The following UACA variants were observed in gnomAD, a reference collection of about 807,000 sequenced individuals.
UACA encodes the protein nuclear membrane binding protein.
UACA carries 112 observed loss-of-function variants against 160.5 expected under a neutral mutation model. The observed-to-expected ratio is 0.70, with a 90% CI of 0.60 to 0.82. The LOEUF (loss-of-function observed/expected upper bound fraction) is 0.82. Ranked by LOEUF, UACA falls within the 40% of genes least tolerant of loss-of-function variation. UACA has a pLI of 0.00. For synonymous variants in UACA, 557 were observed against 568.4 expected, an observed-to-expected ratio of 0.98 and a Z score of 0.29; for missense variants, 1,574 against 1,614.6, an observed-to-expected ratio of 0.97 and a Z score of 0.43.
chr15:70,680,727 G>A (rs928797515), intron 9 of UACA, among the ~76,000 whole-genome samples: 9 of 151,988 alleles, frequency 5.9e-5, no homozygotes, highest in Non-Finnish European at 7.4e-5. Context: ...TAAATCAACC[G>A]CATCCTTTAA....
chr15:70,776,380 C>G, the UACA span, among the ~76,000 whole-genome samples: 1 of 151,236 alleles, frequency 6.6e-6, no homozygotes, highest in Non-Finnish European at 1.5e-5. Flanking sequence ...TCCTGTTTTC[C>G]TCGGATATAT....
intron 2 of UACA, 116 bp downstream of exon 2, chr15:70,699,411 G>A (rs1030118353): frequency 6.6e-6 from 8 of 1,209,692 alleles, no homozygotes; most frequent in African/African-American, 1.5e-5. Flanking sequence ...TTATAGTGCA[G>A]GTTTTGGCAG....
intron 1 of UACA, among the ~76,000 whole-genome samples, chr15:70,725,519 C>G (rs558879971): frequency 3.0e-4 from 45 of 152,218 alleles, no homozygotes; most frequent in African/African-American, 1.1e-3. Context: ...AGGAAGTAGC[C>G]AATACTTTAG....
chr15:70,669,107 T>G lies in UACA; in HGVS notation c.1577A>C (p.His526Pro). 1 of 1,614,138 alleles carries G rather than the reference T, an allele frequency of 6.2e-7. No individual in the cohort carries two copies. The highest frequency in any genetic ancestry group is 8.5e-7 in the Non-Finnish European group (1 of 1,179,998). Residue 526 changes from histidine to proline, a missense_variant, in exon 16 of 19, where the codon CAC becomes CCC. Physicochemically the swap from His to Pro is moderately conservative, Grantham distance 77. Coordinates refer to ENST00000322954, the MANE Select transcript of UACA (RefSeq NM_018003.4). ...MQTHFLALKE[H>P]LTSEAASGNH... ...CCCTGAGGCTGCTTCACTTGTTAAG[T>G]GTTCTTTAAGGGCAAGAAAATGGGT...
At chr15:70,713,125 A>G (rs1046349566) in intron 1 of UACA, among the ~76,000 whole-genome samples, 8 of 152,194 alleles carry the variant, frequency 5.3e-5, no homozygotes, top group Non-Finnish European at 1.0e-4. Flanking sequence ...CGGGCGGATC[A>G]TGAGGTCAGG....
At position 70,668,072 on chromosome 15, in the gene UACA, G is replaced by A. The variant is rs1236554388; in HGVS notation, c.2612C>T (p.Thr871Ile). 1.2e-6 allele frequency: 2 copies of A among 1,613,210 alleles called. No individual in the cohort carries two copies. Among genetic ancestry groups the A allele is most frequent in the South Asian group, 1.1e-5 (1 of 90,956 alleles). Reference sequence around the variant, plus strand: ...AGTTTTGGCTAACGTGTCATTCAGTGTCATTTTAACCTCTTCATGGGTTTT... The same window carrying A: ...AGTTTTGGCTAACGTGTCATTCAGTATCATTTTAACCTCTTCATGGGTTTT... ...PVKTHEEVKM[T>I]LNDTLAKTNR... is the part of the protein sequence containing the mutation. The change falls in exon 16 of 19, where the codon ACA (threonine) becomes ATA (isoleucine). Residue 871 changes from threonine (T) to isoleucine (I), a missense_variant. Coordinates refer to ENST00000322954, the MANE Select transcript of UACA (RefSeq NM_018003.4).
At chr15:70,678,869 T>C (rs1234818602) in intron 10 of UACA, among the ~76,000 whole-genome samples, 1 of 152,100 alleles carries the variant, frequency 6.6e-6, no homozygotes, top group East Asian at 1.9e-4. Flanking sequence ...GAAAATACTT[T>C]AAGAAAAAAA....
At chr15:70,658,074 C>A (rs1896548161) in intron 18 of UACA, among the ~76,000 whole-genome samples, 1 of 151,966 alleles carries the variant, frequency 6.6e-6, no homozygotes, top group Non-Finnish European at 1.5e-5. Context: ...GATGGCAGAG[C>A]AAGAATCTGT....
intron 1 of UACA, among the ~76,000 whole-genome samples, chr15:70,714,511 AT>A (rs142310623): frequency 0.011 from 1,628 of 152,294 alleles, 25 homozygotes; most frequent in African/African-American, 0.038. Context: ...GAAAGGGAAA[AT>A]TATATCCTAT....
At chr15:70,691,496 C>G (rs560603828) in intron 3 of UACA, 133 bp from the exon 4 acceptor site, 1 of 595,172 alleles carries the variant, frequency 1.7e-6, no homozygotes, top group Admixed American at 3.2e-5. Flanking sequence ...CTTTCAGTTT[C>G]CAAAGATGTT....
chr15:70,685,160 G>A (rs1232609797), intron 7 of UACA, among the ~76,000 whole-genome samples: 1 of 152,088 alleles, frequency 6.6e-6, no homozygotes, highest in African/African-American at 2.4e-5. Context: ...CTAACGCCAT[G>A]CAACATGGAT....
intron 1 of UACA, among the ~76,000 whole-genome samples, chr15:70,725,445 T>C (rs77869666): frequency 0.048 from 7,344 of 152,204 alleles, 631 homozygotes; most frequent in African/African-American, 0.17. Context: ...CACTACTCAG[T>C]AATATAAGAA....
intron 16 of UACA, 104 bp downstream of exon 16, chr15:70,666,620 G>T: frequency 1.1e-6 from 1 of 921,904 alleles, no homozygotes; most frequent in Non-Finnish European, 1.5e-6. Flanking sequence ...ACTGGAAAGG[G>T]TCACTTTGTT....
At chr15:70,730,114 C>A (rs1330392861) in intron 1 of UACA, among the ~76,000 whole-genome samples, 4 of 11,026 alleles carry the variant, frequency 3.6e-4, no homozygotes, top group Admixed American at 2.9e-3. Flanking sequence ...CGCAGTTCCT[C>A]ACCAGCAACA....
In UACA at chr15:70,668,380, A is replaced by C. The variant is rs780402434; in HGVS notation, c.2304T>G (p.Leu768=). 8.1e-6 allele frequency: 13 copies of C among 1,607,686 alleles called. No individual in the cohort carries two copies. In the South Asian group the frequency reaches 1.3e-4, roughly 17 times the overall value. Reference sequence around the variant, plus strand: ...CTGTATATTTTTGTGTTACATCTAAAAGCTTTCTATTAAGATCATCAATAA... The same window carrying C: ...CTGTATATTTTTGTGTTACATCTAACAGCTTTCTATTAAGATCATCAATAA... ...DAIIDDLNRK[L]LDVTQKYTEK... Residue 768 remains leucine (L), a synonymous_variant, in exon 16 of 19, where the codon CTT becomes CTG. Transcript: ENST00000322954.
intron 1 of UACA, among the ~76,000 whole-genome samples, chr15:70,700,502 A>G (rs1448939384): frequency 6.6e-6 from 1 of 151,796 alleles, no homozygotes; most frequent in East Asian, 1.9e-4. Context: ...TACATTCCAC[A>G]TGTATTGTTT....
intron 18 of UACA, among the ~76,000 whole-genome samples, chr15:70,658,815 T>C (rs1402705263): frequency 1.3e-5 from 2 of 152,214 alleles, no homozygotes; most frequent in African/African-American, 2.4e-5. Context: ...CAGCAGGATG[T>C]TTACATTTCA....
At chr15:70,665,274 TG>T (rs1896864063) in intron 16 of UACA, among the ~76,000 whole-genome samples, 1 of 152,176 alleles carries the variant, frequency 6.6e-6, no homozygotes, top group Non-Finnish European at 1.5e-5. Context: ...ACCACTTTGT[TG>T]TAGAGAGAAA....
intron 1 of UACA, chr15:70,701,977 G>GT: frequency 5.0e-6 from 8 of 1,602,428 alleles, no homozygotes; most frequent in Non-Finnish European, 6.8e-6. Flanking sequence ...ACAAATCTCT[G>GT]TAAGCTCACA....
Sources: gnomAD v4.1 joint callset for allele counts (sites outside exome capture counted in the v4.1 genomes callset) on GRCh38, gnomAD v4.1.1 for gene constraint, MANE v1.5 for transcripts, NCBI Gene and HGNC (gene_info 2026-07-23, HGNC 2026-07-21) for gene names.